Variants in PREX2 observed in about 807,000 individuals in gnomAD.
PREX2 encodes phosphatidylinositol 3,4,5-trisphosphate-dependent Rac exchanger 2 protein.
Under a neutral mutation model 203.2 loss-of-function variants are expected in PREX2, and 107 were observed. The observed-to-expected ratio is 0.53, with a 90% CI of 0.45 to 0.62. The LOEUF is 0.62. Among genes scored for constraint, PREX2 ranks in the 20% least tolerant of loss-of-function variants. The pLI, the probability that PREX2 is intolerant of heterozygous loss-of-function variation, is 0.00. For missense variants in PREX2, 1,777 were observed against 1,955.9 expected (o/e 0.91, Z 1.72); for synonymous variants, 672 against 663.6 (o/e 1.01, Z -0.19).
intron 18 of PREX2, among the ~76,000 whole-genome samples, chr8:68,084,628 C>T (rs745476179): frequency 1.3e-5 from 2 of 152,060 alleles, no homozygotes; most frequent in Non-Finnish European, 2.9e-5. Flanking sequence ...GTGAGCCTGA[C>T]ACTCACTTTT....
intron 19 of PREX2, 105 bp downstream of exon 19, chr8:68,087,914 T>C (rs1809748240): frequency 1.2e-6 from 1 of 810,106 alleles, no homozygotes. Context: ...GTGATGATTC[T>C]CAATTATATT....
chr8:68,103,755 G>T, intron 23 of PREX2: 1 of 518,936 alleles, frequency 1.9e-6, no homozygotes, highest in Non-Finnish European at 3.9e-6. Context: ...GTGGTTCTCC[G>T]TGACCCCACA....
intron 12 of PREX2, 69 bp downstream of exon 12, chr8:68,069,205 A>G: frequency 1.3e-6 from 1 of 771,222 alleles, no homozygotes; most frequent in South Asian, 1.8e-5. Flanking sequence ...GATAAAAGGT[A>G]GTTGAGAAAC....
At chr8:68,173,374 T>A (rs962501883) in intron 35 of PREX2, among the ~76,000 whole-genome samples, 2 of 152,188 alleles carry the variant, frequency 1.3e-5, no homozygotes, top group African/African-American at 4.8e-5. Flanking sequence ...TCAGATAAAG[T>A]TGAAATTGTA....
At chr8:67,981,012 T>C (rs375093969) in intron 1 of PREX2, among the ~76,000 whole-genome samples, 7 of 152,168 alleles carry the variant, frequency 4.6e-5, no homozygotes, top group African/African-American at 1.4e-4. Flanking sequence ...TAGGGGGCAA[T>C]TGGATGGAAT....
At chr8:68,135,840 ATG>A (rs1811104995) in intron 32 of PREX2, among the ~76,000 whole-genome samples, 3 of 152,216 alleles carry the variant, frequency 2.0e-5, no homozygotes, top group African/African-American at 7.2e-5. Context: ...CCATCAACTG[ATG>A]AATGGATAAA....
Position 68,030,497 on chromosome 8 carries a change from G to T in PREX2, c.544G>T (p.Glu182Ter), listed in dbSNP as rs1286023672. The change falls in exon 6 of 40, where the codon GAG (glutamate) becomes TAG (stop). Residue 182 changes from glutamate to a stop codon, truncating the protein, a stop_gained and splice_region_variant. Coordinates refer to ENST00000288368, the MANE Select transcript of PREX2 (RefSeq NM_024870.4). LOFTEE classifies it high-confidence loss of function. Reference sequence around the variant, plus strand: ...GATTTGTTTTTTTGTGTATAAACAGGAGTTGCTGAAGCGGACTCCACGGAA... The same window carrying T: ...GATTTGTTTTTTTGTGTATAAACAGTAGTTGCTGAAGCGGACTCCACGGAA... Reference protein sequence around the residue: ...RICKYPLILKELLKRTPRKHS... With the variant: ...RICKYPLILK 6.2e-7 allele frequency: 1 copy of T among 1,612,630 alleles called. No individual in the cohort carries two copies.
intron 35 of PREX2, among the ~76,000 whole-genome samples, chr8:68,159,371 G>A (rs546172627): frequency 6.6e-6 from 1 of 152,212 alleles, no homozygotes; most frequent in Non-Finnish European, 1.5e-5. Flanking sequence ...TGCATAAAGT[G>A]CAAGAAGAAT....
intron 35 of PREX2, among the ~76,000 whole-genome samples, chr8:68,166,664 C>G (rs1295592995): frequency 6.6e-6 from 1 of 152,178 alleles, no homozygotes; most frequent in African/African-American, 2.4e-5. Context: ...GCCTTGATAT[C>G]TGACAAAATA....
intron 31 of PREX2, among the ~76,000 whole-genome samples, chr8:68,131,061 G>T (rs780578174): frequency 4.6e-5 from 7 of 152,210 alleles, no homozygotes; most frequent in Non-Finnish European, 8.8e-5. Flanking sequence ...CTGCTGAGCG[G>T]TACTGTGTGG....
chr8:68,219,450 A>G (rs1812910152), intron 38 of PREX2, among the ~76,000 whole-genome samples: 1 of 152,186 alleles, frequency 6.6e-6, no homozygotes, highest in South Asian at 2.1e-4. Flanking sequence ...TTAAAACTCA[A>G]AAGTCATGGG....
chr8:68,101,544 G>A, intron 23 of PREX2: 1 of 481,212 alleles, frequency 2.1e-6, no homozygotes, highest in South Asian at 1.5e-5. Context: ...AAGGACAGAA[G>A]ATTCTTTTCT....
intron 35 of PREX2, among the ~76,000 whole-genome samples, chr8:68,183,053 T>C (rs1812115971): frequency 1.3e-5 from 2 of 151,902 alleles, no homozygotes; most frequent in Non-Finnish European, 2.9e-5. Context: ...AGAGATGGAA[T>C]GGGAAGTTTG....
At chr8:67,997,014 T>G (rs1033704244) in intron 1 of PREX2, among the ~76,000 whole-genome samples, 2 of 152,226 alleles carry the variant, frequency 1.3e-5, no homozygotes, top group Admixed American at 6.5e-5. Flanking sequence ...ACTATTGAGT[T>G]GTTTCATCAG....
intron 1 of PREX2, among the ~76,000 whole-genome samples, chr8:67,999,817 C>A (rs10156263): frequency 0.69 from 104,325 of 152,066 alleles, 36,023 homozygotes; most frequent in South Asian, 0.81. Context: ...AACATATGCA[C>A]ATCAATAAAT....
intron 21 of PREX2, among the ~76,000 whole-genome samples, chr8:68,094,403 G>A (rs754888217): frequency 3.3e-5 from 5 of 152,164 alleles, no homozygotes; most frequent in Non-Finnish European, 5.9e-5. Flanking sequence ...TGATAAGGAC[G>A]GTTATCATTT....
intron 37 of PREX2, among the ~76,000 whole-genome samples, chr8:68,212,688 C>A (rs1444113161): frequency 6.6e-6 from 1 of 152,166 alleles, no homozygotes; most frequent in African/African-American, 2.4e-5. Context: ...CAAATTATAA[C>A]AACTTTGCAA....
intron 34 of PREX2, among the ~76,000 whole-genome samples, chr8:68,152,454 C>A (rs1811459607): frequency 6.6e-6 from 1 of 152,144 alleles, no homozygotes; most frequent in Non-Finnish European, 1.5e-5. Flanking sequence ...ACCCACCTCT[C>A]TTCAGACAGC....
At chr8:68,224,161 A>G (rs547330274) in intron 38 of PREX2, among the ~76,000 whole-genome samples, 6 of 151,988 alleles carry the variant, frequency 3.9e-5, no homozygotes, top group Admixed American at 1.3e-4. Context: ...TGGGACCACA[A>G]TTGCGTGCCA....
Sources: gnomAD v4.1 joint callset for allele counts (sites outside exome capture counted in the v4.1 genomes callset) on GRCh38, gnomAD v4.1.1 for gene constraint, MANE v1.5 for transcripts, NCBI Gene and HGNC (gene_info 2026-07-23, HGNC 2026-07-21) for gene names.